FXYD1: variants seen among roughly 807,000 people sequenced by gnomAD.
FXYD1 encodes the protein FXYD domain containing ion transport regulator 1.
A neutral mutation model predicts 17.2 loss-of-function variants in FXYD1; 9 were observed. The observed-to-expected ratio is 0.52, with a 90% confidence interval of 0.32 to 0.91. The LOEUF is 0.91. FXYD1 is among the 40% of genes least tolerant of loss of function. FXYD1 has a pLI of 0.04. For missense variants in FXYD1, 113 were observed against 120.6 expected, an observed-to-expected ratio of 0.94 and a Z score of 0.29; for synonymous variants, 55 against 45.8, an observed-to-expected ratio of 1.20 and a Z score of -0.81.
chr19:35,140,719 A>G, intron 3 of FXYD1, 90 bp downstream of exon 3: 1 of 1,002,602 alleles, frequency 1.0e-6, no homozygotes, highest in Non-Finnish European at 1.6e-6. Context: ...GAGTCCCAGT[A>G]TTGATATCTC....
In FXYD1 at chr19:35,140,525, A is replaced by G. The variant is rs3746254; in HGVS notation, c.62-72A>G. 3.3e-3 allele frequency: 4,511 copies of G among 1,348,008 alleles called. 113 individuals are homozygous for G. The South Asian group carries it at 0.039, about 12-fold the overall frequency. The allele number at this position is 1,348,008 out of a possible 1,614,324, so 83.5% of individuals were successfully genotyped here. On this transcript the variant is annotated intron_variant, in intron 2 of 7. Transcript: ENST00000351325. ...CTAAGCCCAGCAAGGCAGAGCCTCC[A>G]GTGGTCTCCTCATGCCCCTCCCTGC...
At chr19:35,140,030 G>A in intron 1 of FXYD1, 46 bp from the exon 2 acceptor site, 2 of 1,565,956 alleles carry the variant, frequency 1.3e-6, no homozygotes, top group Non-Finnish European at 1.8e-6. Context: ...AGCCCTATGT[G>A]GGAGAGCAAG....
intron 3 of FXYD1, 165 bp downstream of exon 3, chr19:35,140,794 T>C: frequency 1.6e-6 from 1 of 620,336 alleles, no homozygotes; most frequent in South Asian, 1.9e-5. Flanking sequence ...TCTTTTCCTG[T>C]CTGTGTCTAT....
chr19:35,137,856 C>T (rs1460125839), upstream of FXYD1: 4 of 152,210 alleles, frequency 2.6e-5, no homozygotes, highest in East Asian at 7.7e-4. Context: ...GTGTTGAACT[C>T]CTGGCCTCAA....
intron 6 of FXYD1, 73 bp downstream of exon 6, chr19:35,142,594 G>C (rs568451022): frequency 6.5e-7 from 1 of 1,549,794 alleles, no homozygotes; most frequent in East Asian, 2.2e-5. Context: ...GGCCCTCCCT[G>C]GCTGCGTAGA....
chr19:35,140,812 A>C (rs1157461396), intron 3 of FXYD1, 183 bp downstream of exon 3: 6 of 606,960 alleles, frequency 9.9e-6, no homozygotes, highest in African/African-American at 1.9e-5. Flanking sequence ...TATCTGTGTC[A>C]CTGTCTATGT....
chr19:35,139,212 C>A (rs1464882524), intron 1 of FXYD1: 2 of 152,916 alleles, frequency 1.3e-5, no homozygotes, highest in Admixed American at 6.5e-5. Context: ...CGTCCTGCTC[C>A]AACCAGCAGT....
At chr19:35,140,211 T>C (rs1158237385) in intron 2 of FXYD1, 71 bp downstream of exon 2, 3 of 894,526 alleles carry the variant, frequency 3.4e-6, no homozygotes, top group Non-Finnish European at 5.7e-6. Flanking sequence ...AAGAACCAAG[T>C]TGGAGACCCC....
chr19:35,142,410 T>C, intron 5 of FXYD1, 62 bp from the exon 6 acceptor site: 1 of 1,288,384 alleles, frequency 7.8e-7, no homozygotes, highest in Non-Finnish European at 1.1e-6. Flanking sequence ...TACTGGGGGG[T>C]TCCTAGAAGG....
rs1209964764 is a variant in FXYD1 at position 35,141,532 on chromosome 19, A to G, written c.170-4A>G. 1 of 1,608,512 alleles carries G rather than the reference A, an allele frequency of 6.2e-7. No homozygotes were observed. Among genetic ancestry groups the G allele is most frequent in the Admixed American group, 1.7e-5 (1 of 59,528 alleles). On this transcript the variant is annotated splice_polypyrimidine_tract_variant and splice_region_variant and intron_variant, in intron 4 of 7. Coordinates refer to ENST00000351325, the MANE Select transcript of FXYD1 (RefSeq NM_021902.4). The stretch of plus-strand genomic sequence containing the variant: ...CAGCTTCTCCTACCTCTCCACGCCC[A>G]CAGGCAGAAGATGCCGGTGCAAGTT...
At position 35,141,553 on chromosome 19, in the gene FXYD1, A is replaced by G. The variant is rs771633833; in HGVS notation, c.187A>G (p.Lys63Glu). The G allele has an allele frequency of 1.2e-6, 2 of 1,610,892 alleles. No homozygotes were observed. The highest frequency in any genetic ancestry group is 1.7e-6 in the Non-Finnish European group (2 of 1,178,912). ...GCCCACAGGCAGAAGATGCCGGTGC[A>G]AGTTCAACCAGCAGCAGAGGTAAGA... ...LIVLSRRCRCKFNQQQRTGEP... is the reference protein window; with the variant it reads ...LIVLSRRCRCEFNQQQRTGEP... Residue 63 changes from lysine to glutamate, a missense_variant, in exon 5 of 8, where the codon AAG (lysine) becomes GAG (glutamate). Transcript: ENST00000351325.
chr19:35,142,785 G>C lies in FXYD1; in HGVS notation c.*29+14G>C, dbSNP rs536603524. Reference sequence around the variant, plus strand: ...GAATCCGGCCAGGTGCTGCAGCTCTGACACGGCGGTGGGAGGGAAGGAGGG... The same window carrying C: ...GAATCCGGCCAGGTGCTGCAGCTCTCACACGGCGGTGGGAGGGAAGGAGGG... On this transcript the variant is annotated intron_variant, in intron 7 of 7. Coordinates refer to ENST00000351325, the MANE Select transcript of FXYD1 (RefSeq NM_021902.4). 6.2e-7 allele frequency: 1 copy of C among 1,600,892 alleles called. No individual in the cohort carries two copies. Among genetic ancestry groups the C allele is most frequent in the South Asian group, 1.1e-5 (1 of 90,298 alleles).
rs536349790 is a variant in FXYD1, at chr19:35,138,855, G to C, written c.-44G>C. 1 of 152,494 alleles carries C rather than the reference G, an allele frequency of 6.6e-6. No individual in the cohort carries two copies. Among genetic ancestry groups the C allele is most frequent in the African/African-American group, 2.4e-5 (1 of 41,472 alleles). The allele number at this position is 152,494 out of a possible 1,614,324, so 9.4% of individuals were successfully genotyped here. A position where few individuals can be genotyped will look rare whatever the true frequency, so the allele number is the denominator to read the frequency against. ...CTCAGCCCCCGGGGCACAGCAGGAC[G>C]TTTGGGGGCCTTCTTTCAGCAGGGG... On this transcript the variant is annotated 5_prime_UTR_variant, in exon 1 of 8. Transcript: ENST00000351325.
rs760787707 is a variant in FXYD1, at chr19:35,142,692, T to G, written c.257-28T>G. On this transcript the variant is annotated intron_variant, in intron 6 of 7. Coordinates refer to ENST00000351325, the MANE Select transcript of FXYD1 (RefSeq NM_021902.4). ...AGGAGCTGGGGATGCCTCTCCAGAA[T>G]GACCCCCGATCTCCGTGTTCCCCCC... 5 of 1,612,784 alleles carry G rather than the reference T, an allele frequency of 3.1e-6. No individual in the cohort carries two copies. In the South Asian group the frequency reaches 5.5e-5, roughly 18 times the overall value.
At chr19:35,141,468 G>A in intron 4 of FXYD1, 68 bp from the exon 5 acceptor site, 1 of 1,334,304 alleles carries the variant, frequency 7.5e-7, no homozygotes, top group Non-Finnish European at 1.1e-6. Flanking sequence ...GGGCGAGCTG[G>A]AGCTACAGCG....
chr19:35,142,338 C>T, intron 5 of FXYD1, 134 bp from the exon 6 acceptor site: 1 of 699,784 alleles, frequency 1.4e-6, no homozygotes, highest in Non-Finnish European at 2.5e-6. Context: ...TTCTGGCGGA[C>T]CCCGAGCCTG....
rs2065271436 is a variant in FXYD1 at position 35,142,956 on chromosome 19, G to A, written c.*69G>A. On this transcript the variant is annotated 3_prime_UTR_variant, in exon 8 of 8. Transcript: ENST00000351325. ...CTGACATCTCCCACGCTCCACCTGC[G>A]CGCCCACCGCCCCCTCCGCCGCCCC... is the stretch of plus-strand genomic sequence containing the variant. 3.4e-6 allele frequency: 2 copies of A among 587,354 alleles called. No homozygotes were observed. The highest frequency in any genetic ancestry group is 6.1e-6 in the Non-Finnish European group (2 of 330,360). The allele number at this position is 587,354 out of a possible 1,614,324, so 36.4% of individuals were successfully genotyped here. A position where few individuals can be genotyped will look rare whatever the true frequency, so the allele number is the denominator to read the frequency against.
intron 6 of FXYD1, 24 bp from the exon 7 acceptor site, chr19:35,142,696 C>T (rs2065268276): frequency 2.5e-6 from 4 of 1,613,042 alleles, no homozygotes; most frequent in Non-Finnish European, 3.4e-6. Flanking sequence ...CCAGAATGAC[C>T]CCCGATCTCC....
rs745593094 is a variant in FXYD1, at chr19:35,139,882, G to C, written c.-4-194G>C. On this transcript the variant is annotated intron_variant, in intron 1 of 7. Coordinates refer to ENST00000351325, the MANE Select transcript of FXYD1 (RefSeq NM_021902.4). ...CGTTGTGTTGTTGTGTGATCCCATC[G>C]TGGAGGTTGTTTTGGTGACACTGTG... 12 of 572,608 alleles carry C rather than the reference G, an allele frequency of 2.1e-5. No homozygotes were observed. In the Admixed American group the frequency reaches 3.1e-4, roughly 15 times the overall value. The allele number at this position is 572,608 out of a possible 1,614,324, so 35.5% of individuals were successfully genotyped here. A position where few individuals can be genotyped will look rare whatever the true frequency, so the allele number is the denominator to read the frequency against.
Sources: allele counts gnomAD v4.1 joint callset, GRCh38; gene constraint gnomAD v4.1.1; transcripts MANE v1.5; gene names NCBI Gene and HGNC (gene_info 2026-07-23, HGNC 2026-07-21).